EYS: variants seen among roughly 807,000 people sequenced by gnomAD.
EYS encodes the protein EGF-like photoreceptor maintenance factor.
In EYS, 250 loss-of-function variants were observed where a neutral mutation model predicts 282.1. The ratio of observed to expected loss-of-function variants is 0.89; its 90% CI spans 0.80 to 0.98. The LOEUF (loss-of-function observed/expected upper bound fraction) is 0.98. EYS is among the 50% of genes least tolerant of loss of function. The pLI, the probability that EYS is intolerant of heterozygous loss-of-function variation, is 0.00. For missense variants in EYS, 4,016 were observed against 3,709.0 expected, an observed-to-expected ratio of 1.08 and a Z score of -2.15; for synonymous variants, 1,355 against 1,282.9, an observed-to-expected ratio of 1.06 and a Z score of -1.20.
At chr6:63,818,608 G>C (rs909034127) in intron 36 of EYS, among the ~76,000 whole-genome samples, 1 of 152,064 alleles carries the variant, frequency 6.6e-6, no homozygotes, top group Non-Finnish European at 1.5e-5. Flanking sequence ...TTTAAGAAAT[G>C]CTGTCTTAAA....
intron 12 of EYS, among the ~76,000 whole-genome samples, chr6:65,217,797 A>G (rs993860468): frequency 3.3e-5 from 5 of 152,228 alleles, no homozygotes; most frequent in South Asian, 4.1e-4. Flanking sequence ...CAGAAAATAT[A>G]GAGTTTTCTG....
intron 26 of EYS, among the ~76,000 whole-genome samples, chr6:64,446,762 G>A (rs1775130931): frequency 6.6e-6 from 1 of 151,960 alleles, no homozygotes; most frequent in Admixed American, 6.6e-5. Context: ...CTTAAGTAAA[G>A]ATATATATAA....
intron 30 of EYS, among the ~76,000 whole-genome samples, chr6:64,238,334 T>C (rs1243486874): frequency 6.6e-6 from 1 of 152,110 alleles, no homozygotes; most frequent in East Asian, 1.9e-4. Context: ...AAACATTCTC[T>C]CCCCCTTGAT....
intron 7 of EYS, among the ~76,000 whole-genome samples, chr6:65,400,593 A>G (rs1457095607): frequency 1.3e-5 from 2 of 151,868 alleles, no homozygotes; most frequent in Admixed American, 1.3e-4. Context: ...ACTACTGGAG[A>G]AAATTAATTT....
intron 12 of EYS, among the ~76,000 whole-genome samples, chr6:65,231,722 A>T (rs184995388): frequency 6.6e-6 from 1 of 152,086 alleles, no homozygotes; most frequent in Admixed American, 6.5e-5. Context: ...GTGAAAATAC[A>T]TCATCTCCTT....
chr6:64,836,096 T>C (rs1765374123), intron 19 of EYS, among the ~76,000 whole-genome samples: 1 of 151,522 alleles, frequency 6.6e-6, no homozygotes, highest in Admixed American at 6.6e-5. Context: ...ATATTACTTA[T>C]GTTTTAATTT....
At chr6:63,900,107 T>G (rs1486925777) in intron 35 of EYS, among the ~76,000 whole-genome samples, 1 of 152,178 alleles carries the variant, frequency 6.6e-6, no homozygotes. Context: ...GTCAAACCTG[T>G]TTAGATTTTT....
chr6:64,120,377 A>G (rs939982588), intron 31 of EYS, among the ~76,000 whole-genome samples: 23 of 150,768 alleles, frequency 1.5e-4, no homozygotes, highest in East Asian at 7.7e-4. Context: ...AAAAAAAAAA[A>G]AAAAAGAAAA....
chr6:64,699,117 T>C (rs1770689957), intron 22 of EYS, among the ~76,000 whole-genome samples: 1 of 152,156 alleles, frequency 6.6e-6, no homozygotes, highest in Non-Finnish European at 1.5e-5. Flanking sequence ...GTGGTACATA[T>C]ATACCATAGA....
intron 2 of EYS, among the ~76,000 whole-genome samples, chr6:65,556,387 TTG>T (rs10602177): frequency 0.14 from 21,428 of 148,732 alleles, 1,593 homozygotes; most frequent in South Asian, 0.2. Flanking sequence ...ACTGCTGGGT[TTG>T]TGTGTGTGTG....
chr6:64,618,614 G>A (rs1767347695), intron 23 of EYS, among the ~76,000 whole-genome samples: 1 of 152,018 alleles, frequency 6.6e-6, no homozygotes, highest in Admixed American at 6.6e-5. Flanking sequence ...CATATTTTGA[G>A]GTACTTAGAA....
intron 23 of EYS, among the ~76,000 whole-genome samples, chr6:64,623,204 C>G (rs1009255575): frequency 2.0e-5 from 3 of 152,078 alleles, no homozygotes; most frequent in Non-Finnish European, 4.4e-5. Flanking sequence ...CTGTGTAATA[C>G]ATTACTATTA....
At chr6:63,997,190 T>C (rs1767874130) in intron 34 of EYS, among the ~76,000 whole-genome samples, 1 of 152,174 alleles carries the variant, frequency 6.6e-6, no homozygotes, top group South Asian at 2.1e-4. Flanking sequence ...ATCATCCTCC[T>C]ACTGTAATAA....
At chr6:65,428,863 C>G (rs1344662840) in intron 5 of EYS, among the ~76,000 whole-genome samples, 1 of 151,902 alleles carries the variant, frequency 6.6e-6, no homozygotes, top group Non-Finnish European at 1.5e-5. Context: ...CATGAGGCAC[C>G]AATATGAAAT....
chr6:64,962,002 C>T (rs1583335822), intron 14 of EYS, among the ~76,000 whole-genome samples: 1 of 152,098 alleles, frequency 6.6e-6, no homozygotes, highest in Admixed American at 6.6e-5. Flanking sequence ...AGTGAAGTCA[C>T]CAAAAACATA....
At chr6:64,080,715 T>C (rs1366669884) in intron 32 of EYS, among the ~76,000 whole-genome samples, 1 of 151,746 alleles carries the variant, frequency 6.6e-6, no homozygotes, top group East Asian at 1.9e-4. Context: ...CTTTAATCCA[T>C]CTTGAATTAA....
At chr6:63,889,646 G>A (rs1237388592) in intron 35 of EYS, among the ~76,000 whole-genome samples, 1 of 151,942 alleles carries the variant, frequency 6.6e-6, no homozygotes, top group Non-Finnish European at 1.5e-5. Context: ...AGGAAAAACT[G>A]GTACGAGCCA....
chr6:64,904,912 C>T (rs1767776516), intron 16 of EYS, among the ~76,000 whole-genome samples: 1 of 152,038 alleles, frequency 6.6e-6, no homozygotes, highest in Non-Finnish European at 1.5e-5. Flanking sequence ...ATGAGATTGC[C>T]GAAATGCAGC....
intron 2 of EYS, among the ~76,000 whole-genome samples, chr6:65,511,282 T>C (rs1766858977): frequency 6.6e-6 from 1 of 152,186 alleles, no homozygotes; most frequent in African/African-American, 2.4e-5. Flanking sequence ...TAAATAATTC[T>C]ATTTTAAACC....
Sources: allele counts gnomAD v4.1 joint callset (sites outside exome capture counted in the v4.1 genomes callset), GRCh38; gene constraint gnomAD v4.1.1; transcripts MANE v1.5; gene names NCBI Gene and HGNC (gene_info 2026-07-23, HGNC 2026-07-21).